PKIB: variants seen among roughly 807,000 people sequenced by gnomAD.
PKIB encodes PKI-beta.
PKIB carries 2 observed loss-of-function variants against 4.5 expected under a neutral mutation model. The observed-to-expected ratio is 0.44, with a 90% CI of 0.18 to 1.39. The LOEUF (loss-of-function observed/expected upper bound fraction) is 1.39, where lower values mean the gene tolerates loss of function less well. PKIB is among the 40% of genes most tolerant of loss of function. PKIB has a pLI of 0.27. For synonymous variants in PKIB, 38 were observed against 36.0 expected (o/e 1.06, Z -0.20); for missense variants, 94 against 92.6 (o/e 1.02, Z -0.06).
At chr6:122,498,827 A>C (rs1000067511) in intron 2 of PKIB, among the ~76,000 whole-genome samples, 3 of 152,334 alleles carry the variant, frequency 2.0e-5, no homozygotes, top group African/African-American at 7.2e-5. Flanking sequence ...AGCTAGATTA[A>C]CAGAGAAGTG....
At chr6:122,495,277 C>T (rs1158237768) in intron 2 of PKIB, among the ~76,000 whole-genome samples, 2 of 152,170 alleles carry the variant, frequency 1.3e-5, no homozygotes, top group African/African-American at 4.8e-5. Flanking sequence ...GCCCTACAGT[C>T]TTTACTGCTG....
chr6:122,502,297 C>A (rs1427956689), intron 2 of PKIB, among the ~76,000 whole-genome samples: 1 of 151,868 alleles, frequency 6.6e-6, no homozygotes, highest in African/African-American at 2.4e-5. Flanking sequence ...ATCTTTATAG[C>A]AATGCCTTAC....
intron 2 of PKIB, among the ~76,000 whole-genome samples, chr6:122,542,651 C>G (rs918713259): frequency 6.6e-6 from 1 of 152,112 alleles, no homozygotes; most frequent in Non-Finnish European, 1.5e-5. Context: ...CCCAGTTAGG[C>G]TGCTCGGGGG....
intron 3 of PKIB, among the ~76,000 whole-genome samples, chr6:122,712,515 G>A (rs1779313314): frequency 6.6e-6 from 1 of 152,176 alleles, no homozygotes; most frequent in South Asian, 2.1e-4. Flanking sequence ...TTGGTTATCA[G>A]GGGAGACCAG....
chr6:122,628,940 T>C (rs1435527632), intron 1 of PKIB, among the ~76,000 whole-genome samples: 1 of 152,164 alleles, frequency 6.6e-6, no homozygotes, highest in African/African-American at 2.4e-5. Context: ...GGAAAGCTGA[T>C]TCCATGGGGA....
intron 3 of PKIB, chr6:122,701,446 G>A (rs754815195): frequency 6.3e-7 from 1 of 1,580,596 alleles, no homozygotes; most frequent in South Asian, 1.2e-5. Flanking sequence ...ACAGGCTGAA[G>A]CTTCAGAGAT....
exon 1 of PKIB, chr6:122,471,962 G>T: frequency 3.8e-6 from 4 of 1,062,116 alleles, no homozygotes; most frequent in Non-Finnish European, 5.2e-6. Context: ...CTTCTTTCCT[G>T]GAGAATTTCT....
intron 3 of PKIB, among the ~76,000 whole-genome samples, chr6:122,588,380 C>T (rs968203904): frequency 2.0e-5 from 3 of 151,958 alleles, no homozygotes; most frequent in Non-Finnish European, 4.4e-5. Context: ...TCAATGCCAT[C>T]CCCATCAAGC....
chr6:122,667,373 C>CA (rs1020456276), intron 2 of PKIB, among the ~76,000 whole-genome samples: 5 of 151,718 alleles, frequency 3.3e-5, no homozygotes, highest in African/African-American at 7.3e-5. Flanking sequence ...CCGTCTCTAC[C>CA]AAAAATACAA....
chr6:122,631,650 C>G (rs535238518), intron 1 of PKIB, among the ~76,000 whole-genome samples: 1 of 152,218 alleles, frequency 6.6e-6, no homozygotes, highest in South Asian at 2.1e-4. Flanking sequence ...TATTATTATG[C>G]CATTTGATGA....
chr6:122,602,927 G>T (rs1331325385), intron 3 of PKIB, among the ~76,000 whole-genome samples: 1 of 137,056 alleles, frequency 7.3e-6, no homozygotes, highest in Non-Finnish European at 1.5e-5. Flanking sequence ...CGGCACTCCA[G>T]CCTGGGTGAC....
intron 3 of PKIB, among the ~76,000 whole-genome samples, chr6:122,590,450 C>A (rs1195901881): frequency 6.6e-6 from 1 of 152,098 alleles, no homozygotes; most frequent in East Asian, 1.9e-4. Flanking sequence ...GCATACCTCA[C>A]AGATTGCTCT....
intron 3 of PKIB, among the ~76,000 whole-genome samples, chr6:122,681,582 A>C (rs1777896980): frequency 6.6e-6 from 1 of 152,198 alleles, no homozygotes; most frequent in Non-Finnish European, 1.5e-5. Flanking sequence ...GCAGAGGGGT[A>C]ATTACCTAAT....
intron 2 of PKIB, among the ~76,000 whole-genome samples, chr6:122,565,218 T>A (rs1438311753): frequency 9.2e-5 from 14 of 152,182 alleles, no homozygotes. Flanking sequence ...ACCTACAATA[T>A]CATAGCTAAC....
intron 1 of PKIB, among the ~76,000 whole-genome samples, chr6:122,632,797 A>T (rs1775753745): frequency 6.6e-6 from 1 of 152,156 alleles, no homozygotes; most frequent in Middle Eastern, 3.2e-3. Flanking sequence ...GGTTGCAGGG[A>T]TATATTGCTT....
intron 1 of PKIB, among the ~76,000 whole-genome samples, chr6:122,625,686 G>A (rs1381611378): frequency 6.6e-6 from 1 of 151,754 alleles, no homozygotes; most frequent in African/African-American, 2.4e-5. Flanking sequence ...TTTTTAAAAA[G>A]CTATGAAAAT....
chr6:122,510,801 G>T (rs1220013134), intron 2 of PKIB, among the ~76,000 whole-genome samples: 1 of 152,124 alleles, frequency 6.6e-6, no homozygotes, highest in African/African-American at 2.4e-5. Context: ...GGCCTGAATT[G>T]TTCCTTCACT....
intron 4 of PKIB, among the ~76,000 whole-genome samples, chr6:122,722,925 G>A (rs901653292): frequency 6.6e-6 from 1 of 152,104 alleles, no homozygotes; most frequent in African/African-American, 2.4e-5. Context: ...GATCACAAAT[G>A]ACATCATTTC....
chr6:122,690,935 T>TTC (rs1562304035), intron 3 of PKIB, among the ~76,000 whole-genome samples: 8 of 145,952 alleles, frequency 5.5e-5, no homozygotes, highest in African/African-American at 5.1e-5. Flanking sequence ...TATATATATT[T>TTC]TTTTTTTTTT....
Sources: allele counts gnomAD v4.1 joint callset (sites outside exome capture counted in the v4.1 genomes callset), GRCh38; gene constraint gnomAD v4.1.1; transcripts MANE v1.5; gene names NCBI Gene and HGNC (gene_info 2026-07-23, HGNC 2026-07-21).